Variants in SVOP observed in about 807,000 individuals in gnomAD.
The protein encoded by SVOP is SV2 related protein, also known as synaptic vesicle 2-related protein.
SVOP carries 17 observed loss-of-function variants against 69.1 expected under a neutral mutation model. The observed-to-expected ratio is 0.25, with a 90% CI of 0.17 to 0.37. The LOEUF (loss-of-function observed/expected upper bound fraction) is 0.37, where lower values mean the gene tolerates loss of function less well. Ranked by LOEUF, SVOP falls within the 10% of genes least tolerant of loss-of-function variation. The probability of loss-of-function intolerance (pLI) is 1.00; values close to 1 mark genes in which losing one functional copy is unlikely to be tolerated. For missense variants in SVOP, 435 were observed against 597.5 expected, an observed-to-expected ratio of 0.73 and a Z score of 2.84; for synonymous variants, 238 against 238.6, an observed-to-expected ratio of 1.00 and a Z score of 0.02.
At chr12:108,988,780 T>C (rs1271992494) in intron 1 of SVOP, among the ~76,000 whole-genome samples, 2 of 144,672 alleles carry the variant, frequency 1.4e-5, no homozygotes, top group Non-Finnish European at 3.0e-5. Flanking sequence ...CTTTTTTTTT[T>C]TTTTTTTTTT....
At chr12:108,983,402 G>A (rs1049939980) in intron 2 of SVOP, among the ~76,000 whole-genome samples, 199 bp downstream of exon 2, 63 of 152,242 alleles carry the variant, frequency 4.1e-4, no homozygotes, top group Admixed American at 1.1e-3. Flanking sequence ...GTTGTGCATT[G>A]ATGCTGACTG....
At chr12:108,929,884 A>G (rs2039804931) in intron 11 of SVOP, among the ~76,000 whole-genome samples, 1 of 152,176 alleles carries the variant, frequency 6.6e-6, no homozygotes, top group Admixed American at 6.6e-5. Context: ...TAGAAAATAC[A>G]TACTAAGTAA....
chr12:108,946,623 T>A lies in SVOP; in HGVS notation c.579-1457A>T, dbSNP rs139697938. On this transcript the variant is annotated intron_variant, in intron 6 of 15. Coordinates refer to ENST00000610966, the MANE Select transcript of SVOP (RefSeq NM_018711.5). The stretch of plus-strand genomic sequence containing the variant: ...CTTTGTCTATCTTATCTTCTATCTA[T>A]CTATCTATCCATTTAATCAATAAGG... Among the ~76,000 whole-genome samples the A allele has an allele frequency of 6.4e-3, 972 of 151,646 alleles. 11 individuals carry two copies. The highest frequency in any genetic ancestry group is 0.039 in the East Asian group (200 of 5,172).
At chr12:109,006,496 C>T (rs1286910413) in intron 1 of SVOP, among the ~76,000 whole-genome samples, 2 of 152,176 alleles carry the variant, frequency 1.3e-5, no homozygotes, top group African/African-American at 2.4e-5. Context: ...TTAAGGGGCA[C>T]ACATGGCAGC....
intron 1 of SVOP, among the ~76,000 whole-genome samples, chr12:108,995,060 A>G (rs1431092600): frequency 1.3e-5 from 2 of 152,080 alleles, no homozygotes; most frequent in African/African-American, 4.8e-5. Context: ...TGGGAGGATT[A>G]TTTGAGCCTG....
In SVOP at chr12:108,927,909, T is replaced by TC. The variant is rs1463669714; in HGVS notation, c.1049-5113_1049-5112insG. On this transcript the variant is annotated intron_variant, in intron 11 of 15. Coordinates refer to ENST00000610966, the MANE Select transcript of SVOP (RefSeq NM_018711.5). The stretch of plus-strand genomic sequence containing the variant: ...CCATGCTCAGCTGACAAAAAACTCT[T>TC]TTTTTTTTTTTTTTGAGAGAGAGTC... Among the ~76,000 whole-genome samples, 3 of 137,048 alleles carry TC rather than the reference T, an allele frequency of 2.2e-5. No homozygotes were observed. In the East Asian group the frequency reaches 6.4e-4, roughly 29 times the overall value. The allele number at this position is 137,048 out of a possible 152,430, so 89.9% of individuals were successfully genotyped here.
At position 108,912,220 on chromosome 12, in the gene SVOP, C is replaced by T; in HGVS notation, c.*315G>A. On this transcript the variant is annotated 3_prime_UTR_variant, in exon 16 of 16. Transcript: ENST00000610966. ...GTTCACTGAGGGTTTGGCCGGGTGA[C>T]TCTGGGTGGTGTCTGATTGGTTGCT... is the stretch of plus-strand genomic sequence containing the variant. The T allele has an allele frequency of 8.1e-7, 1 of 1,232,474 alleles. No homozygotes were observed. Among genetic ancestry groups the T allele is most frequent in the East Asian group, 4.1e-5 (1 of 24,682 alleles). The allele number at this position is 1,232,474 out of a possible 1,614,324, so 76.3% of individuals were successfully genotyped here.
intron 14 of SVOP, among the ~76,000 whole-genome samples, chr12:108,916,731 T>C (rs2039716424): frequency 6.6e-6 from 1 of 152,206 alleles, no homozygotes; most frequent in Non-Finnish European, 1.5e-5. Context: ...GACTCTTTTA[T>C]TTTATAGTAT....
At chr12:108,955,010 C>A (rs1025390654) in intron 6 of SVOP, among the ~76,000 whole-genome samples, 7 of 152,222 alleles carry the variant, frequency 4.6e-5, no homozygotes, top group Non-Finnish European at 1.0e-4. Flanking sequence ...GAGCGAGACC[C>A]TGTCTCTCAC....
intron 9 of SVOP, 114 bp from the exon 10 acceptor site, chr12:108,937,451 G>A (rs1593183302): frequency 1.0e-6 from 1 of 988,788 alleles, no homozygotes; most frequent in Non-Finnish European, 1.6e-6. Flanking sequence ...CTAGTAAGTA[G>A]GACACTGGAG....
At chr12:108,972,585 T>A in intron 4 of SVOP, 109 bp from the exon 5 acceptor site, 2 of 1,122,066 alleles carry the variant, frequency 1.8e-6, no homozygotes, top group Non-Finnish European at 2.6e-6. Flanking sequence ...AGCAATGATC[T>A]AACATTCACT....
intron 1 of SVOP, among the ~76,000 whole-genome samples, chr12:108,997,737 T>A (rs1242109649): frequency 6.6e-6 from 1 of 151,392 alleles, no homozygotes; most frequent in Non-Finnish European, 1.5e-5. Context: ...CCAACAGACC[T>A]GCAGCTGAGG....
At chr12:108,942,426 G>T (rs906335847) in intron 7 of SVOP, among the ~76,000 whole-genome samples, 26 of 152,164 alleles carry the variant, frequency 1.7e-4, no homozygotes, top group Non-Finnish European at 3.4e-4. Context: ...TCTTCAATTT[G>T]CCTGTCCAAG....
chr12:108,919,562 C>T, intron 13 of SVOP, 113 bp downstream of exon 13: 1 of 758,408 alleles, frequency 1.3e-6, no homozygotes, highest in Non-Finnish European at 2.2e-6. Context: ...CCTGCACCTC[C>T]ACCTGGGCTT....
chr12:109,012,088 G>C (rs1187157956), intron 1 of SVOP, among the ~76,000 whole-genome samples: 1 of 152,128 alleles, frequency 6.6e-6, no homozygotes, highest in African/African-American at 2.4e-5. Flanking sequence ...TTCAAGACCA[G>C]CCTGGCTGAC....
intron 1 of SVOP, among the ~76,000 whole-genome samples, chr12:108,991,719 G>A (rs900922106): frequency 2.6e-5 from 4 of 151,650 alleles, no homozygotes; most frequent in African/African-American, 9.7e-5. Flanking sequence ...GCCTCCCAAA[G>A]TGCTGGGATT....
intron 6 of SVOP, among the ~76,000 whole-genome samples, chr12:108,953,152 TC>T (rs1456233751): frequency 0.019 from 1,995 of 102,564 alleles, 303 homozygotes; most frequent in African/African-American, 0.048. Flanking sequence ...TTTTTTTTTT[TC>T]TTTTTTTTTT....
chr12:109,007,529 A>G (rs971456332), intron 1 of SVOP, among the ~76,000 whole-genome samples: 5 of 152,228 alleles, frequency 3.3e-5, no homozygotes, highest in African/African-American at 1.2e-4. Flanking sequence ...GAGCCTTATC[A>G]GGCACAGAAG....
chr12:108,942,829 ATC>A (rs2039900470), intron 7 of SVOP, among the ~76,000 whole-genome samples: 1 of 152,184 alleles, frequency 6.6e-6, no homozygotes, highest in Non-Finnish European at 1.5e-5. Context: ...CAGTGGTGCA[ATC>A]TCGGCTCAGT....
Sources: gnomAD v4.1 joint callset for allele counts (sites outside exome capture counted in the v4.1 genomes callset) on GRCh38, gnomAD v4.1.1 for gene constraint, MANE v1.5 for transcripts, NCBI Gene and HGNC (gene_info 2026-07-23, HGNC 2026-07-21) for gene names.